The following DERA variants were observed in gnomAD, a reference collection of about 807,000 sequenced individuals.
The protein encoded by DERA is deoxyribose-phosphate aldolase, also known as 2-deoxy-D-ribose 5-phosphate aldolase.
A neutral mutation model predicts 41.1 loss-of-function variants in DERA; 15 were observed. The observed-to-expected ratio is 0.37, with a 90% CI of 0.24 to 0.56. The LOEUF (loss-of-function observed/expected upper bound fraction) is 0.56, where lower values mean the gene tolerates loss of function less well. DERA is among the 20% of genes least tolerant of loss of function. The pLI is 0.81. For synonymous variants in DERA, 139 were observed against 137.4 expected (o/e 1.01, Z -0.08); for missense variants, 396 against 403.4 (o/e 0.98, Z 0.16).
intron 1 of DERA, among the ~76,000 whole-genome samples, chr12:15,955,332 A>G (rs1489915688): frequency 1.3e-5 from 2 of 150,912 alleles, no homozygotes; most frequent in African/African-American, 4.9e-5. Flanking sequence ...GCGTTTGAGT[A>G]GGGGGTGTTT....
chr12:15,917,026 T>C (rs1948205640), intron 1 of DERA, among the ~76,000 whole-genome samples: 1 of 152,158 alleles, frequency 6.6e-6, no homozygotes, highest in African/African-American at 2.4e-5. Context: ...CTCTTAGTAG[T>C]TTCCTGAAAA....
intron 5 of DERA, among the ~76,000 whole-genome samples, chr12:15,978,026 TACCAACATAGGGGA>T (rs2136159530): frequency 6.6e-6 from 1 of 152,360 alleles, no homozygotes; most frequent in African/African-American, 2.4e-5. Flanking sequence ...TGTCCTTTCC[TACCAACATAGGGGA>T]AAACCTGCTC....
At chr12:15,914,393 T>TAAAAAAA (rs1185673228) in intron 1 of DERA, among the ~76,000 whole-genome samples, 30 of 54,964 alleles carry the variant, frequency 5.5e-4, no homozygotes, top group South Asian at 1.2e-3. Context: ...TCAAAAAAGA[T>TAAAAAAA]AAAAAAAAAA....
Position 15,959,800 on chromosome 12 carries a change from A to C in DERA, c.278-29A>C, listed in dbSNP as rs1193550408. The stretch of plus-strand genomic sequence containing the variant: ...GTTGTATGAGTTGAACTTCATTGAA[A>C]GTTGGCTATTCCTATTTTTTCTTGA... On this transcript the variant is annotated intron_variant, in intron 3 of 8. Coordinates refer to ENST00000428559, the MANE Select transcript of DERA (RefSeq NM_015954.4). This position sits in a 1 kb window ranked among gnomAD's most constrained non-coding sequence, Gnocchi z 4.5. 1.4e-6 allele frequency: 2 copies of C among 1,478,624 alleles called. No individual in the cohort carries two copies. Among genetic ancestry groups the C allele is most frequent in the South Asian group, 2.5e-5 (2 of 80,326 alleles). 91.6% of individuals were successfully genotyped at this position (1,478,624 alleles called of 1,614,324 possible). A position where few individuals can be genotyped will look rare whatever the true frequency, so the allele number is the denominator to read the frequency against.
In DERA at chr12:16,004,257, C is replaced by G. The variant is rs1007174251; in HGVS notation, c.637+21821C>G. Reference sequence around the variant, plus strand: ...AGATAATTTGAATCTGAATGTACAGCCAAGTATTCAAAATATAAATAGATG... The same window carrying G: ...AGATAATTTGAATCTGAATGTACAGGCAAGTATTCAAAATATAAATAGATG... On this transcript the variant is annotated intron_variant, in intron 6 of 8. Coordinates refer to ENST00000428559, the MANE Select transcript of DERA (RefSeq NM_015954.4). The surrounding 1 kb of genome is among the most constrained non-coding windows in gnomAD (Gnocchi z 4.2). 6.6e-6 allele frequency among the ~76,000 whole-genome samples: 1 copy of G among 151,962 alleles called. No individual in the cohort carries two copies.
In DERA at chr12:15,995,131, G is replaced by C. The variant is rs1948828663; in HGVS notation, c.637+12695G>C. Among the ~76,000 whole-genome samples, 2 of 152,164 alleles carry C rather than the reference G, an allele frequency of 1.3e-5. No individual in the cohort carries two copies. Among genetic ancestry groups the C allele is most frequent in the Non-Finnish European group, 2.9e-5 (2 of 68,028 alleles). ...GTATATCAGATAATATTTATAAGCT[G>C]TGTTTAACTTTTGGAGGCACAGATG... On this transcript the variant is annotated intron_variant, in intron 6 of 8. Coordinates refer to ENST00000428559, the MANE Select transcript of DERA (RefSeq NM_015954.4). The surrounding 1 kb of genome is among the most constrained non-coding windows in gnomAD (Gnocchi z 5.1).
Position 15,957,600 on chromosome 12 carries a change from C to T in DERA, c.129+567C>T, listed in dbSNP as rs1440256656. ...TTCAGAGTTCATTTCACAAGTGAGA[C>T]AGAATACTGTGATTGAATCCTTGAG... On this transcript the variant is annotated intron_variant, in intron 2 of 8. Transcript: ENST00000428559. This position sits in a 1 kb window ranked among gnomAD's most constrained non-coding sequence, Gnocchi z 4.8. 6.6e-6 allele frequency among the ~76,000 whole-genome samples: 1 copy of T among 152,152 alleles called. No homozygotes were observed. Among genetic ancestry groups the T allele is most frequent in the Admixed American group, 6.5e-5 (1 of 15,280 alleles).
At position 15,972,340 on chromosome 12, in the gene DERA, C is replaced by T. The variant is rs146541199; in HGVS notation, c.508+9393C>T. ...GGACAGGAGGAAGCCAATGGCCTCG[C>T]GGCCCTTCTTGTTGCTCCCAGAACT... is the stretch of plus-strand genomic sequence containing the variant. On this transcript the variant is annotated intron_variant, in intron 5 of 8. Transcript: ENST00000428559. The surrounding 1 kb of genome is among the most constrained non-coding windows in gnomAD (Gnocchi z 4.4). The T allele has an allele frequency of 8.5e-3, 1,329 of 156,534 alleles. 27 individuals carry two copies. Among genetic ancestry groups the T allele is most frequent in the African/African-American group, 0.03 (1,236 of 41,616 alleles). The allele number at this position is 156,534 out of a possible 1,614,324, so 9.7% of individuals were successfully genotyped here.
rs1302488318 is a variant in DERA, at chr12:15,954,848, A to C, written c.32-2088A>C. 6.6e-6 allele frequency among the ~76,000 whole-genome samples: 1 copy of C among 152,200 alleles called. No individual in the cohort carries two copies. The highest frequency in any genetic ancestry group is 1.5e-5 in the Non-Finnish European group (1 of 68,028). ...GGACAGCCTGTCAAAGCCTTGCCCC[A>C]CTGAGTAATAGGCCTACCTCTTTTT... On this transcript the variant is annotated intron_variant, in intron 1 of 8. Coordinates refer to ENST00000428559, the MANE Select transcript of DERA (RefSeq NM_015954.4). The surrounding 1 kb of genome is among the most constrained non-coding windows in gnomAD (Gnocchi z 4.0).
chr12:16,035,095 G>C lies in DERA; in HGVS notation c.751-1137G>C, dbSNP rs1949118643. On this transcript the variant is annotated intron_variant, in intron 7 of 8. Transcript: ENST00000428559. This position sits in a 1 kb window ranked among gnomAD's most constrained non-coding sequence, Gnocchi z 4.1. ...TTTACTGATATTTCCTGTGAGAATTGATAAGGGTCTAAACTGAAACAAGTG... is the reference window on the plus strand; with the variant it reads ...TTTACTGATATTTCCTGTGAGAATTCATAAGGGTCTAAACTGAAACAAGTG... Among the ~76,000 whole-genome samples the C allele has an allele frequency of 6.6e-6, 1 of 152,202 alleles. No homozygotes were observed. The highest frequency in any genetic ancestry group is 1.5e-5 in the Non-Finnish European group (1 of 68,032).
Position 15,982,214 on chromosome 12 carries a change from TA to T in DERA, c.509-91del. ...AAAGTGACAAATGTTTTATGTTTCC[TA>T]AATGTGAAATGGGTTCCACCAGCTC... On this transcript the variant is annotated intron_variant, in intron 5 of 8. Coordinates refer to ENST00000428559, the MANE Select transcript of DERA (RefSeq NM_015954.4). This position sits in a 1 kb window ranked among gnomAD's most constrained non-coding sequence, Gnocchi z 4.0. 7.9e-7 allele frequency: 1 copy of T among 1,259,308 alleles called. No individual in the cohort carries two copies. Among genetic ancestry groups the T allele is most frequent in the Non-Finnish European group, 1.1e-6 (1 of 915,170 alleles). The allele number at this position is 1,259,308 out of a possible 1,614,324, so 78.0% of individuals were successfully genotyped here.
chr12:15,947,693 A>T (rs891068872), intron 1 of DERA, among the ~76,000 whole-genome samples: 2 of 152,172 alleles, frequency 1.3e-5, no homozygotes, highest in African/African-American at 4.8e-5. Context: ...TAATTGGACC[A>T]TTTAGCCCAT....
chr12:16,035,072 T>A lies in DERA; in HGVS notation c.751-1160T>A, dbSNP rs1949118482. On this transcript the variant is annotated intron_variant, in intron 7 of 8. Transcript: ENST00000428559. This position sits in a 1 kb window ranked among gnomAD's most constrained non-coding sequence, Gnocchi z 4.1. ...GCAGGGAAACCAGTTAAAAGACTTT[T>A]ACTGATATTTCCTGTGAGAATTGAT... 6.6e-6 allele frequency among the ~76,000 whole-genome samples: 1 copy of A among 152,194 alleles called. No homozygotes were observed. Among genetic ancestry groups the A allele is most frequent in the Non-Finnish European group, 1.5e-5 (1 of 68,036 alleles).
chr12:15,946,461 A>T (rs892683146), intron 1 of DERA, among the ~76,000 whole-genome samples: 5 of 151,886 alleles, frequency 3.3e-5, no homozygotes, highest in Non-Finnish European at 5.9e-5. Flanking sequence ...TCTTGGGAGG[A>T]TGTATGTGTC....
At chr12:15,942,347 C>G (rs1440817064) in intron 1 of DERA, among the ~76,000 whole-genome samples, 1 of 152,024 alleles carries the variant, frequency 6.6e-6, no homozygotes, top group Non-Finnish European at 1.5e-5. Flanking sequence ...TTTTGCTGTG[C>G]AGAAGCTTCT....
Position 15,993,141 on chromosome 12 carries a change from A to C in DERA, c.637+10705A>C, listed in dbSNP as rs1948812853. 6.6e-6 allele frequency among the ~76,000 whole-genome samples: 1 copy of C among 152,142 alleles called. No individual in the cohort carries two copies. Among genetic ancestry groups the C allele is most frequent in the African/African-American group, 2.4e-5 (1 of 41,440 alleles). ...AATTCAACCCAATAAGATCAAAGTA[A>C]TACAGAAACAATGAGAGGAAGCGGA... On this transcript the variant is annotated intron_variant, in intron 6 of 8. Transcript: ENST00000428559. This position sits in a 1 kb window ranked among gnomAD's most constrained non-coding sequence, Gnocchi z 4.4.
At position 15,918,750 on chromosome 12, in the gene DERA, A is replaced by C. The variant is rs1948220307; in HGVS notation, c.31+7336A>C. On this transcript the variant is annotated intron_variant, in intron 1 of 8. Coordinates refer to ENST00000428559, the MANE Select transcript of DERA (RefSeq NM_015954.4). This position sits in a 1 kb window ranked among gnomAD's most constrained non-coding sequence, Gnocchi z 4.3. ...GTTTATGTAAATCACCACATACGGC[A>C]TGTTAAAACTGACAACAGGAACGTG... is the stretch of plus-strand genomic sequence containing the variant. Among the ~76,000 whole-genome samples the C allele has an allele frequency of 6.6e-6, 1 of 152,276 alleles. No individual in the cohort carries two copies. The highest frequency in any genetic ancestry group is 2.4e-5 in the African/African-American group (1 of 41,552).
In DERA at chr12:15,988,833, C is replaced by T. The variant is rs760313670; in HGVS notation, c.637+6397C>T. Among the ~76,000 whole-genome samples the T allele has an allele frequency of 6.6e-6, 1 of 152,230 alleles. No individual in the cohort carries two copies. The highest frequency in any genetic ancestry group is 1.5e-5 in the Non-Finnish European group (1 of 68,044). On this transcript the variant is annotated intron_variant, in intron 6 of 8. Transcript: ENST00000428559. The surrounding 1 kb of genome is among the most constrained non-coding windows in gnomAD (Gnocchi z 6.0). ...ACACTGAGGGGCGCCTGCAGACCCA[C>T]ACCAAGCTGCCCTCAGCCCCTTGGC...
Position 15,988,234 on chromosome 12 carries a change from A to G in DERA, c.637+5798A>G, listed in dbSNP as rs1426878394. Among the ~76,000 whole-genome samples the G allele has an allele frequency of 6.6e-6, 1 of 152,126 alleles. No individual in the cohort carries two copies. Among genetic ancestry groups the G allele is most frequent in the African/African-American group, 2.4e-5 (1 of 41,434 alleles). On this transcript the variant is annotated intron_variant, in intron 6 of 8. Coordinates refer to ENST00000428559, the MANE Select transcript of DERA (RefSeq NM_015954.4). This position sits in a 1 kb window ranked among gnomAD's most constrained non-coding sequence, Gnocchi z 6.0. ...ACCTGCAATGTGGTGAGTCGGGGGC[A>G]TGTTTTAGCCCTGTTTGTGTTACAG...
Sources: allele counts gnomAD v4.1 joint callset (sites outside exome capture counted in the v4.1 genomes callset), GRCh38; gene constraint gnomAD v4.1.1; non-coding constraint Gnocchi (gnomAD v3.1); transcripts MANE v1.5; gene names NCBI Gene and HGNC (gene_info 2026-07-23, HGNC 2026-07-21).